DOCK1: variants seen among roughly 807,000 people sequenced by gnomAD.
DOCK1 encodes the protein dedicator of cytokinesis protein 1.
DOCK1 carries 138 observed loss-of-function variants against 262.7 expected under a neutral mutation model. The observed-to-expected ratio is 0.53, with a 90% CI of 0.46 to 0.61. The LOEUF (loss-of-function observed/expected upper bound fraction) is 0.61, where lower values mean the gene tolerates loss of function less well. Ranked by LOEUF, DOCK1 falls within the 20% of genes least tolerant of loss-of-function variation. The pLI, the probability that DOCK1 is intolerant of heterozygous loss-of-function variation, is 0.00. For synonymous variants in DOCK1, 866 were observed against 867.4 expected, an observed-to-expected ratio of 1.00 and a Z score of 0.03; for missense variants, 1,908 against 2,370.7, an observed-to-expected ratio of 0.80 and a Z score of 4.05.
intron 23 of DOCK1, among the ~76,000 whole-genome samples, chr10:127,073,295 A>G (rs1194779831): frequency 6.6e-6 from 1 of 152,200 alleles, no homozygotes; most frequent in East Asian, 1.9e-4. Context: ...GTGGCTATTG[A>G]CCAACTGATT....
In DOCK1 at chr10:126,990,562, ACTG is replaced by A; in HGVS notation, c.433_435del (p.Leu145del). The stretch of plus-strand genomic sequence containing the variant: ...CTCTGCCTCAGGATGAACTCAAAGA[ACTG>A]AAGAAGAAGGTCACAGCCAAAATTG... On this transcript the variant is annotated inframe_deletion, in exon 6 of 52. Transcript: ENST00000623213. The A allele has an allele frequency of 6.2e-7, 1 of 1,613,854 alleles. No homozygotes were observed. The highest frequency in any genetic ancestry group is 1.3e-5 in the African/African-American group (1 of 75,050).
intron 48 of DOCK1, 120 bp from the exon 49 acceptor site, chr10:127,438,907 C>T: frequency 9.5e-7 from 1 of 1,056,746 alleles, no homozygotes; most frequent in East Asian, 2.6e-5. Flanking sequence ...CCCTTGGCCT[C>T]CCTTTTAAAT....
intron 31 of DOCK1, among the ~76,000 whole-genome samples, chr10:127,353,610 C>T (rs1478027664): frequency 1.3e-5 from 2 of 152,200 alleles, no homozygotes; most frequent in African/African-American, 4.8e-5. Flanking sequence ...TTAGAGCTAG[C>T]GTGTCCTGGT....
At chr10:127,032,587 T>C (rs1324900338) in intron 18 of DOCK1, among the ~76,000 whole-genome samples, 1 of 152,240 alleles carries the variant, frequency 6.6e-6, no homozygotes, top group Non-Finnish European at 1.5e-5. Flanking sequence ...TCAGTCTCGC[T>C]CTGTTGCCCA....
chr10:127,399,532 G>T (rs1032513650), intron 38 of DOCK1, among the ~76,000 whole-genome samples: 1 of 150,470 alleles, frequency 6.6e-6, no homozygotes, highest in Non-Finnish European at 1.5e-5. Flanking sequence ...TCTGATAGAA[G>T]ATACCACCAT....
intron 23 of DOCK1, among the ~76,000 whole-genome samples, chr10:127,074,201 A>G (rs1455887666): frequency 6.6e-6 from 1 of 152,228 alleles, no homozygotes; most frequent in East Asian, 1.9e-4. Flanking sequence ...TGATGAAATC[A>G]TGGAGTTATA....
intron 1 of DOCK1, among the ~76,000 whole-genome samples, chr10:126,920,265 CAATTA>C (rs1028338452): frequency 5.9e-5 from 9 of 152,210 alleles, no homozygotes; most frequent in Admixed American, 2.0e-4. Flanking sequence ...TGCTACAAGG[CAATTA>C]AATTAAATTA....
At chr10:127,418,225 C>G (rs1278971688) in intron 44 of DOCK1, 140 bp from the exon 45 acceptor site, 3 of 934,892 alleles carry the variant, frequency 3.2e-6, no homozygotes, top group Non-Finnish European at 4.6e-6. Context: ...ATAAAATGCC[C>G]AGCCACCCAA....
intron 38 of DOCK1, among the ~76,000 whole-genome samples, chr10:127,402,171 A>G (rs182355185): frequency 2.0e-4 from 31 of 152,302 alleles, no homozygotes; most frequent in Admixed American, 1.4e-3. Context: ...TCAAGGGCTT[A>G]TATTCTCTGA....
At chr10:127,362,739 A>G (rs1397680135) in intron 33 of DOCK1, among the ~76,000 whole-genome samples, 2 of 151,954 alleles carry the variant, frequency 1.3e-5, no homozygotes, top group Non-Finnish European at 2.9e-5. Flanking sequence ...ACTCTGCTGC[A>G]TAACTTATGC....
Position 127,328,349 on chromosome 10 carries a change from G to A in DOCK1, c.3045-10657G>A, listed in dbSNP as rs201041252. 7.2e-5 allele frequency among the ~76,000 whole-genome samples: 11 copies of A among 152,168 alleles called. No homozygotes were observed. In the East Asian group the frequency reaches 1.5e-3, roughly 21 times the overall value. On this transcript the variant is annotated intron_variant, in intron 29 of 51. Coordinates refer to ENST00000623213, the MANE Select transcript of DOCK1 (RefSeq NM_001290223.2). ...CTCTTAAGCATTTCTGCCTTGAACCGTATGGTTTGCTCAAGGCCTCTGACT... is the reference window on the plus strand; with the variant it reads ...CTCTTAAGCATTTCTGCCTTGAACCATATGGTTTGCTCAAGGCCTCTGACT...
intron 44 of DOCK1, 133 bp downstream of exon 44, chr10:127,415,371 C>A: frequency 1.4e-6 from 1 of 729,414 alleles, no homozygotes; most frequent in Non-Finnish European, 2.3e-6. Flanking sequence ...GTTCCCATAA[C>A]CACCCCACCT....
At chr10:127,406,605 T>G (rs1050978322) in intron 40 of DOCK1, among the ~76,000 whole-genome samples, 1 of 152,206 alleles carries the variant, frequency 6.6e-6, no homozygotes, top group African/African-American at 2.4e-5. Flanking sequence ...CTCCAAGAAC[T>G]GACTAGCTGT....
intron 11 of DOCK1, among the ~76,000 whole-genome samples, chr10:127,009,302 T>C (rs138293010): frequency 9.5e-4 from 145 of 152,270 alleles, no homozygotes; most frequent in African/African-American, 3.3e-3. Context: ...TCTGTGTTCG[T>C]TTTTAGGCTT....
chr10:127,344,620 C>T lies in DOCK1; in HGVS notation c.3224+874C>T, dbSNP rs545759878. Reference sequence around the variant, plus strand: ...TTCCAGAAAGAGTTTCAGAAGGTGGCAGCTGCTCTTATATCCTGTGAGTCT... The same window carrying T: ...TTCCAGAAAGAGTTTCAGAAGGTGGTAGCTGCTCTTATATCCTGTGAGTCT... On this transcript the variant is annotated intron_variant, in intron 31 of 51. Transcript: ENST00000623213. 2.0e-5 allele frequency: 3 copies of T among 152,368 alleles called. No homozygotes were observed. In the South Asian group the frequency reaches 6.2e-4, roughly 32 times the overall value. The allele number at this position is 152,368 out of a possible 1,614,324, so 9.4% of individuals were successfully genotyped here.
chr10:126,934,375 C>T (rs2034401762), intron 1 of DOCK1, among the ~76,000 whole-genome samples: 1 of 152,248 alleles, frequency 6.6e-6, no homozygotes. Context: ...GACCCACGTG[C>T]TGTGGGGCTC....
intron 38 of DOCK1, among the ~76,000 whole-genome samples, chr10:127,395,912 A>C (rs2066800343): frequency 1.3e-5 from 2 of 152,228 alleles, no homozygotes; most frequent in African/African-American, 4.8e-5. Flanking sequence ...GGAATGCTTC[A>C]CTTGCTGCAG....
In DOCK1 at chr10:126,995,475, T is replaced by C. The variant is rs10764905; in HGVS notation, c.474-1273T>C. Among the ~76,000 whole-genome samples the C allele has an allele frequency of 0.29, 44,087 of 152,080 alleles. 6,566 individuals carry two copies. The highest frequency in any genetic ancestry group is 0.39 in the South Asian group (1,873 of 4,826). ...CCAACCCGGTGAAACCCCGTCTCCA[T>C]CAAAAAATACGAAAACCAGTCAGGT... is the stretch of plus-strand genomic sequence containing the variant. On this transcript the variant is annotated intron_variant, in intron 6 of 51. Transcript: ENST00000623213. The surrounding 1 kb of genome is among the most constrained non-coding windows in gnomAD (Gnocchi z 5.8).
intron 23 of DOCK1, among the ~76,000 whole-genome samples, chr10:127,088,801 C>T (rs954416576): frequency 6.6e-6 from 1 of 152,108 alleles, no homozygotes; most frequent in Non-Finnish European, 1.5e-5. Flanking sequence ...ACTGCGCCTC[C>T]CTCAGTGGTC....
Sources: gnomAD v4.1 joint callset for allele counts (sites outside exome capture counted in the v4.1 genomes callset) on GRCh38, gnomAD v4.1.1 for gene constraint, Gnocchi (gnomAD v3.1) non-coding constraint, MANE v1.5 for transcripts, NCBI Gene and HGNC (gene_info 2026-07-23, HGNC 2026-07-21) for gene names.